The following ENTPD7 variants were observed in gnomAD, a reference collection of about 807,000 sequenced individuals.
The protein encoded by ENTPD7 is NTPDase 7.
Under a neutral mutation model 77.9 loss-of-function variants are expected in ENTPD7, and 53 were observed. That is an observed-to-expected ratio of 0.68 (90% CI 0.55 to 0.85). ENTPD7 has a LOEUF of 0.85. Among genes scored for constraint, ENTPD7 ranks in the 40% least tolerant of loss-of-function variants. ENTPD7 has a pLI of 0.00. For synonymous variants in ENTPD7, 248 were observed against 274.9 expected, an observed-to-expected ratio of 0.90 and a Z score of 0.97; for missense variants, 636 against 743.7, an observed-to-expected ratio of 0.86 and a Z score of 1.68.
At chr10:99,695,618 A>G (rs1391554128) in intron 8 of ENTPD7, among the ~76,000 whole-genome samples, 4 of 151,896 alleles carry the variant, frequency 2.6e-5, no homozygotes, top group African/African-American at 9.7e-5. Context: ...ATGTTTTCCT[A>G]TTAAAATAAC....
intron 3 of ENTPD7, among the ~76,000 whole-genome samples, chr10:99,665,851 T>G (rs1419253116): frequency 6.6e-6 from 1 of 152,190 alleles, no homozygotes; most frequent in Non-Finnish European, 1.5e-5. Flanking sequence ...GACTTTCTTT[T>G]CCTTTCCAGA....
At chr10:99,661,203 A>G (rs1479763514) in intron 2 of ENTPD7, among the ~76,000 whole-genome samples, 3 of 152,180 alleles carry the variant, frequency 2.0e-5, no homozygotes, top group Non-Finnish European at 4.4e-5. Flanking sequence ...TTTCACTAAC[A>G]TGAGATTAAG....
At chr10:99,703,369 G>A (rs1161311053) in intron 12 of ENTPD7, among the ~76,000 whole-genome samples, 1 of 152,248 alleles carries the variant, frequency 6.6e-6, no homozygotes, top group Non-Finnish European at 1.5e-5. Context: ...TGGGCTAGGT[G>A]GGGGTTGCCC....
At chr10:99,698,497 G>GTT in intron 9 of ENTPD7, 37 bp from the exon 10 acceptor site, 2 of 1,563,464 alleles carry the variant, frequency 1.3e-6, no homozygotes, top group South Asian at 1.2e-5. Context: ...CAGGCATGAC[G>GTT]TGTTTGTTTG....
chr10:99,677,395 C>T (rs1422955605), intron 3 of ENTPD7, among the ~76,000 whole-genome samples: 5 of 128,794 alleles, frequency 3.9e-5, no homozygotes, highest in Non-Finnish European at 6.2e-5. Context: ...GATGGAGTCT[C>T]GCTCTGTCAC....
chr10:99,702,145 G>C (rs992411690), intron 11 of ENTPD7, among the ~76,000 whole-genome samples: 4 of 152,132 alleles, frequency 2.6e-5, no homozygotes, highest in Non-Finnish European at 4.4e-5. Context: ...ACATTTATCA[G>C]CTCCTGGCCC....
At chr10:99,672,620 A>C (rs1227333771) in intron 3 of ENTPD7, among the ~76,000 whole-genome samples, 2 of 152,078 alleles carry the variant, frequency 1.3e-5, no homozygotes, top group Admixed American at 1.3e-4. Context: ...ATTTGATCTT[A>C]ATGGTGTTTT....
At chr10:99,683,782 C>A (rs1257703651) in intron 5 of ENTPD7, among the ~76,000 whole-genome samples, 3 of 152,148 alleles carry the variant, frequency 2.0e-5, no homozygotes, top group African/African-American at 7.2e-5. Context: ...AAGTAGACTT[C>A]ATTTCTTTTA....
chr10:99,685,645 C>T (rs1018791997), intron 5 of ENTPD7, 147 bp from the exon 6 acceptor site: 6 of 595,566 alleles, frequency 1.0e-5, no homozygotes, highest in African/African-American at 1.9e-5. Context: ...AAATCAAAGG[C>T]GGTACCAAAA....
chr10:99,704,064 T>C (rs1423111856), intron 12 of ENTPD7, among the ~76,000 whole-genome samples: 1 of 152,212 alleles, frequency 6.6e-6, no homozygotes, highest in Admixed American at 6.5e-5. Context: ...ACACACACAC[T>C]CTGATTTCTT....
At chr10:99,685,047 C>G (rs906701066) in intron 5 of ENTPD7, among the ~76,000 whole-genome samples, 4 of 152,122 alleles carry the variant, frequency 2.6e-5, no homozygotes, top group African/African-American at 9.7e-5. Context: ...CACCTGAGGT[C>G]AGGAGTTCGA....
intron 5 of ENTPD7, among the ~76,000 whole-genome samples, chr10:99,683,402 C>T (rs1236248639): frequency 1.3e-5 from 2 of 152,100 alleles, no homozygotes; most frequent in East Asian, 3.8e-4. Flanking sequence ...TTTTCTACCT[C>T]CCTTTTATTT....
chr10:99,706,488 A>G lies in ENTPD7; in HGVS notation c.*1805A>G, dbSNP rs1839892129. On this transcript the variant is annotated 3_prime_UTR_variant, in exon 13 of 13. Coordinates refer to ENST00000370489, the MANE Select transcript of ENTPD7 (RefSeq NM_020354.5). ...GTAGCTGGGACTACAGGTGTGCGCC[A>G]CCACACTCAGCTAATTTTTTATTTT... is the stretch of plus-strand genomic sequence containing the variant. Among the ~76,000 whole-genome samples, 2 of 143,460 alleles carry G rather than the reference A, an allele frequency of 1.4e-5. No individual in the cohort carries two copies. Among genetic ancestry groups the G allele is most frequent in the South Asian group, 2.4e-4 (1 of 4,248 alleles). 94.1% of individuals were successfully genotyped at this position (143,460 alleles called of 152,430 possible).
intron 3 of ENTPD7, among the ~76,000 whole-genome samples, chr10:99,668,399 G>A (rs2035578764): frequency 6.6e-6 from 1 of 152,170 alleles, no homozygotes; most frequent in South Asian, 2.1e-4. Flanking sequence ...ACTTAAGGAG[G>A]TATTGTGAGG....
At chr10:99,679,146 C>A in intron 3 of ENTPD7, 115 bp from the exon 4 acceptor site, 2 of 928,230 alleles carry the variant, frequency 2.2e-6, no homozygotes, top group Admixed American at 5.1e-5. Flanking sequence ...CTGGTAGTCC[C>A]ATGTGCTTAG....
At chr10:99,681,334 A>T (rs917493150) in intron 5 of ENTPD7, among the ~76,000 whole-genome samples, 4 of 152,038 alleles carry the variant, frequency 2.6e-5, no homozygotes, top group African/African-American at 9.7e-5. Context: ...GCTGGAGTGC[A>T]ATGGCATGAT....
chr10:99,692,530 C>T (rs200452174), intron 8 of ENTPD7, among the ~76,000 whole-genome samples: 1 of 145,954 alleles, frequency 6.9e-6, no homozygotes, highest in Admixed American at 6.8e-5. Flanking sequence ...TGAGAGTAGG[C>T]TTTTTTTTTT....
rs1436868895 is a variant in ENTPD7, at chr10:99,708,775, G to A, written c.*4092G>A. The A allele has an allele frequency of 1.0e-6, 1 of 953,276 alleles. No homozygotes were observed. The highest frequency in any genetic ancestry group is 1.8e-5 in the African/African-American group (1 of 56,526). The allele number at this position is 953,276 out of a possible 1,614,324, so 59.1% of individuals were successfully genotyped here. ...GATTTATATGGGTGATAAAACTGAG[G>A]CCTAGAGCAGTTGTAATATGTGCAA... On this transcript the variant is annotated 3_prime_UTR_variant, in exon 13 of 13. Coordinates refer to ENST00000370489, the MANE Select transcript of ENTPD7 (RefSeq NM_020354.5).
intron 12 of ENTPD7, among the ~76,000 whole-genome samples, chr10:99,703,061 T>C (rs138289659): frequency 6.6e-6 from 1 of 152,354 alleles, no homozygotes; most frequent in African/African-American, 2.4e-5. Flanking sequence ...GTAGGATGTC[T>C]AGAGCAATCT....
Sources: gnomAD v4.1 joint callset for allele counts (sites outside exome capture counted in the v4.1 genomes callset) on GRCh38, gnomAD v4.1.1 for gene constraint, MANE v1.5 for transcripts, NCBI Gene and HGNC (gene_info 2026-07-23, HGNC 2026-07-21) for gene names.